Variants in TENT4B observed in about 807,000 individuals in gnomAD.
The protein encoded by TENT4B is PAP associated domain containing 5.
In TENT4B, 10 loss-of-function variants were observed where a neutral mutation model predicts 75.0. The observed-to-expected ratio is 0.13, with a 90% CI of 0.08 to 0.23. The LOEUF is 0.23. TENT4B is among the 10% of genes least tolerant of loss of function. The pLI is 1.00. For synonymous variants in TENT4B, 350 were observed against 357.7 expected (o/e 0.98, Z 0.24); for missense variants, 579 against 893.8 (o/e 0.65, Z 4.49).
intron 1 of TENT4B, among the ~76,000 whole-genome samples, chr16:50,207,234 A>G (rs1300413408): frequency 6.6e-6 from 1 of 151,682 alleles, no homozygotes; most frequent in Non-Finnish European, 1.5e-5. Context: ...CAGGCTGGAG[A>G]ACAGAGGCAC....
chr16:50,153,063 G>C (rs1380780812), upstream of TENT4B: 14 of 1,462,092 alleles, frequency 9.6e-6, no homozygotes, highest in Non-Finnish European at 1.3e-5. Context: ...GATGGCGCAA[G>C]TACGGTTGGG....
chr16:50,163,262 A>G (rs2038034402), intron 1 of TENT4B, among the ~76,000 whole-genome samples: 1 of 152,126 alleles, frequency 6.6e-6, no homozygotes, highest in Admixed American at 6.6e-5. Flanking sequence ...ATAAAGTACT[A>G]GTGATAAGTT....
Position 50,182,411 on chromosome 16 carries a change from A to G in TENT4B, c.638+28152A>G, listed in dbSNP as rs1185612912. Among the ~76,000 whole-genome samples, 5 of 152,276 alleles carry G rather than the reference A, an allele frequency of 3.3e-5. No individual in the cohort carries two copies. In the East Asian group the frequency reaches 7.7e-4, roughly 23 times the overall value. Reference sequence around the variant, plus strand: ...CAACTTGACTAAAATATTAACTCCAAATGCCTAGAATTTCAAAATACCTCT... The same window carrying G: ...CAACTTGACTAAAATATTAACTCCAGATGCCTAGAATTTCAAAATACCTCT... On this transcript the variant is annotated intron_variant, in intron 1 of 11. Transcript: ENST00000561678.
intron 1 of TENT4B, among the ~76,000 whole-genome samples, chr16:50,194,903 C>T (rs923935323): frequency 1.3e-5 from 2 of 152,000 alleles, no homozygotes; most frequent in African/African-American, 4.8e-5. Flanking sequence ...CGCCCGCCAC[C>T]ATGCCCGGCT....
chr16:50,229,184 C>T lies in TENT4B; in HGVS notation c.1998C>T (p.Ser666=). 1 of 1,613,806 alleles carries T rather than the reference C, an allele frequency of 6.2e-7. No individual in the cohort carries two copies. Among genetic ancestry groups the T allele is most frequent in the Non-Finnish European group, 8.5e-7 (1 of 1,179,822 alleles). Residue 666 remains serine, a synonymous_variant, in exon 12 of 12, where the codon AGC becomes AGT. Coordinates refer to ENST00000561678, the MANE Select transcript of TENT4B (RefSeq NM_001365324.3). ...CAGCAAGGCTCTTTCGTTCTTCCAG[C>T]AAAGGCTTCCAAGGTACAACTCAAA... ...HGSARLFRSS[S]KGFQGTTQTS...
chr16:50,228,582 T>C (rs1238676235), intron 11 of TENT4B, among the ~76,000 whole-genome samples: 2 of 144,562 alleles, frequency 1.4e-5, no homozygotes, highest in Admixed American at 7.1e-5. Flanking sequence ...CACTCCTCAC[T>C]ATAGCTGGGA....
chr16:50,187,662 C>T (rs1423157426), intron 1 of TENT4B, among the ~76,000 whole-genome samples: 1 of 152,152 alleles, frequency 6.6e-6, no homozygotes, highest in African/African-American at 2.4e-5. Flanking sequence ...GTTGAAAAGA[C>T]TATCCTTTCT....
intron 1 of TENT4B, among the ~76,000 whole-genome samples, chr16:50,177,804 T>A (rs952575414): frequency 3.3e-5 from 5 of 152,160 alleles, no homozygotes; most frequent in Non-Finnish European, 5.9e-5. Context: ...AAACTAAGTT[T>A]TTAAGTGAAA....
At chr16:50,155,268 CGTGGGTGTGT>C (rs1422420642) in intron 1 of TENT4B, among the ~76,000 whole-genome samples, 36 of 30,080 alleles carry the variant, frequency 1.2e-3, no homozygotes, top group African/African-American at 3.9e-3. Flanking sequence ...TTTTGGGTCT[CGTGGGTGTGT>C]GTGTGTGTGT....
At chr16:50,191,468 C>T (rs937427306) in intron 1 of TENT4B, among the ~76,000 whole-genome samples, 1 of 152,074 alleles carries the variant, frequency 6.6e-6, no homozygotes, top group South Asian at 2.1e-4. Flanking sequence ...GAGATGGCAT[C>T]TTACTGTGTT....
At chr16:50,158,545 G>A (rs923844730) in intron 1 of TENT4B, among the ~76,000 whole-genome samples, 1 of 152,164 alleles carries the variant, frequency 6.6e-6, no homozygotes, top group Non-Finnish European at 1.5e-5. Flanking sequence ...TTATCACTAT[G>A]GAGAAAGAGG....
intron 6 of TENT4B, 49 bp downstream of exon 6, chr16:50,222,483 A>G (rs2031872742): frequency 5.1e-6 from 8 of 1,576,320 alleles, no homozygotes; most frequent in Non-Finnish European, 6.9e-6. Flanking sequence ...AGCAAAAGTG[A>G]TCAATCAGCT....
intron 1 of TENT4B, among the ~76,000 whole-genome samples, chr16:50,155,750 T>C (rs1861890450): frequency 6.6e-6 from 1 of 152,206 alleles, no homozygotes; most frequent in South Asian, 2.1e-4. Flanking sequence ...TCCATCCTGT[T>C]AGCATTTCCA....
chr16:50,219,969 C>T lies in TENT4B; in HGVS notation c.1038+2306C>T, dbSNP rs1035039261. Among the ~76,000 whole-genome samples the T allele has an allele frequency of 2.1e-5, 3 of 142,126 alleles. No individual in the cohort carries two copies. The Admixed American group carries it at 2.2e-4, about 10-fold the overall frequency. 93.2% of individuals were successfully genotyped at this position (142,126 alleles called of 152,430 possible). The stretch of plus-strand genomic sequence containing the variant: ...TATCTGGGATCACAGGCTTGCCCAC[C>T]ACACCTGGCTAACTTTTTTTTTAAT... On this transcript the variant is annotated intron_variant, in intron 5 of 11. Coordinates refer to ENST00000561678, the MANE Select transcript of TENT4B (RefSeq NM_001365324.3).
chr16:50,198,489 A>G (rs1176532151), intron 1 of TENT4B, among the ~76,000 whole-genome samples: 1 of 152,012 alleles, frequency 6.6e-6, no homozygotes, highest in Non-Finnish European at 1.5e-5. Context: ...AGAGCATCAA[A>G]TCCCTAAGAT....
chr16:50,212,774 G>A (rs540836779), intron 2 of TENT4B, among the ~76,000 whole-genome samples: 3 of 152,254 alleles, frequency 2.0e-5, no homozygotes, highest in Non-Finnish European at 4.4e-5. Context: ...GACTGGGTAC[G>A]CACTGCTAGT....
Position 50,181,905 on chromosome 16 carries a change from A to C in TENT4B, c.638+27646A>C, listed in dbSNP as rs146160815. ...CTGGAAACATTTTATTAAAAATGCTAGATTAGGTTAGTGATGTAAATACCA... is the reference window on the plus strand; with the variant it reads ...CTGGAAACATTTTATTAAAAATGCTCGATTAGGTTAGTGATGTAAATACCA... On this transcript the variant is annotated intron_variant, in intron 1 of 11. Transcript: ENST00000561678. Among the ~76,000 whole-genome samples, 23 of 152,296 alleles carry C rather than the reference A, an allele frequency of 1.5e-4. No individual in the cohort carries two copies. The East Asian group carries it at 2.9e-3, about 19-fold the overall frequency.
chr16:50,193,262 A>G (rs1435843359), intron 1 of TENT4B, among the ~76,000 whole-genome samples: 1 of 151,862 alleles, frequency 6.6e-6, no homozygotes, highest in Non-Finnish European at 1.5e-5. Context: ...GGTTCAGGCA[A>G]AGGACCAAAG....
chr16:50,218,546 G>T (rs1197056073), intron 5 of TENT4B, among the ~76,000 whole-genome samples: 5 of 151,882 alleles, frequency 3.3e-5, no homozygotes, highest in East Asian at 1.9e-4. Flanking sequence ...TAGAGATGGG[G>T]TTTCACCATA....
Sources: allele counts gnomAD v4.1 joint callset (sites outside exome capture counted in the v4.1 genomes callset), GRCh38; gene constraint gnomAD v4.1.1; transcripts MANE v1.5; gene names NCBI Gene and HGNC (gene_info 2026-07-23, HGNC 2026-07-21).